MTF2: variants seen among roughly 807,000 people sequenced by gnomAD.
The protein encoded by MTF2 is metal response element binding transcription factor 2.
MTF2 carries 11 observed loss-of-function variants against 79.5 expected under a neutral mutation model. The ratio of observed to expected loss-of-function variants is 0.14; its 90% CI spans 0.09 to 0.23. The LOEUF is 0.23. Ranked by LOEUF, MTF2 falls within the 10% of genes least tolerant of loss-of-function variation. The pLI is 1.00. For missense variants in MTF2, 486 were observed against 711.2 expected, an observed-to-expected ratio of 0.68 and a Z score of 3.60; for synonymous variants, 208 against 232.8, an observed-to-expected ratio of 0.89 and a Z score of 0.97.
intron 6 of MTF2, among the ~76,000 whole-genome samples, chr1:93,117,793 G>A (rs531835805): frequency 6.7e-4 from 102 of 152,196 alleles, no homozygotes; most frequent in Non-Finnish European, 1.3e-3. Context: ...TTGGGAGGCC[G>A]AGGACAGAGG....
At chr1:93,084,957 C>T (rs187352070) in intron 1 of MTF2, among the ~76,000 whole-genome samples, 1 of 152,250 alleles carries the variant, frequency 6.6e-6, no homozygotes, top group Admixed American at 6.5e-5. Flanking sequence ...TAAAGCATCA[C>T]TTTCTCCTAT....
chr1:93,088,155 T>C (rs968501663), intron 1 of MTF2, among the ~76,000 whole-genome samples: 1 of 152,224 alleles, frequency 6.6e-6, no homozygotes, highest in Non-Finnish European at 1.5e-5. Flanking sequence ...TGCAGGATTA[T>C]AATGACAACG....
intron 6 of MTF2, among the ~76,000 whole-genome samples, chr1:93,116,341 C>T (rs1460337293): frequency 1.3e-5 from 2 of 151,410 alleles, no homozygotes; most frequent in African/African-American, 4.9e-5. Flanking sequence ...TTATTTTCTT[C>T]CAGAACTTTT....
At chr1:93,134,247 T>C in intron 14 of MTF2, 52 bp downstream of exon 14, 1 of 1,343,998 alleles carries the variant, frequency 7.4e-7, no homozygotes, top group East Asian at 2.4e-5. Context: ...TAGATTTCTT[T>C]TCTTTGTAAA....
rs868639197 is a variant in MTF2, at chr1:93,136,789, T to C, written c.1544T>C (p.Ile515Thr). 3 of 1,614,036 alleles carry C rather than the reference T, an allele frequency of 1.9e-6. No individual in the cohort carries two copies. Among genetic ancestry groups the C allele is most frequent in the Admixed American group, 3.3e-5 (2 of 60,018 alleles). ...GCACTCCAGACTCAGAACTCAGAAA[T>C]TGTAAAAGATGATGAAGGCAAAGAA... ...RRALQTQNSEIVKDDEGKEDY... is the reference protein window; with the variant it reads ...RRALQTQNSETVKDDEGKEDY... Residue 515 changes from isoleucine (I) to threonine (T), a missense_variant, in exon 15 of 15, where the codon ATT becomes ACT. By Grantham distance (89) the Ile-to-Thr change is moderately conservative (BLOSUM62 -1). Around this residue, in one of 4 missense-constraint regions of MTF2, gnomAD observed 209 missense variants for 206.5 expected, o/e 1.01. Coordinates refer to ENST00000370298, the MANE Select transcript of MTF2 (RefSeq NM_007358.4).
In MTF2 at chr1:93,080,092, C is replaced by T. The variant is rs1362387687; in HGVS notation, c.5+561C>T. Among the ~76,000 whole-genome samples the T allele has an allele frequency of 5.3e-5, 8 of 151,902 alleles. No homozygotes were observed. In the East Asian group the frequency reaches 1.5e-3, roughly 29 times the overall value. On this transcript the variant is annotated intron_variant, in intron 1 of 14. Coordinates refer to ENST00000370298, the MANE Select transcript of MTF2 (RefSeq NM_007358.4). ...CACACTGAAGTGGAGGTTGGAAGCA[C>T]AACCTGAAAGCTTAAAGGGAAGCGG...
In MTF2 at chr1:93,133,931, A is replaced by G; in HGVS notation, c.1270A>G (p.Lys424Glu). The G allele has an allele frequency of 6.4e-7, 1 of 1,573,188 alleles. No homozygotes were observed. The highest frequency in any genetic ancestry group is 8.7e-7 in the Non-Finnish European group (1 of 1,147,482). The change falls in exon 13 of 15, where the codon AAG becomes GAG. Residue 424 changes from lysine (K) to glutamate (E), a missense_variant. Coordinates refer to ENST00000370298, the MANE Select transcript of MTF2 (RefSeq NM_007358.4). ...IQKTAEPLLDKESISENPTLD... is the reference protein window; with the variant it reads ...IQKTAEPLLDEESISENPTLD... The stretch of plus-strand genomic sequence containing the variant: ...AGTATATATTTTTATTTTCCAGGAT[A>G]AGGAATCAATTTCAGAGAATCCTAC...
At chr1:93,129,709 CTGTT>C (rs751905549) in intron 11 of MTF2, among the ~76,000 whole-genome samples, 46 of 152,008 alleles carry the variant, frequency 3.0e-4, no homozygotes, top group Admixed American at 1.3e-4. Context: ...GAGTACTAGC[CTGTT>C]TGTTTGTTCA....
At chr1:93,085,697 A>G (rs1185086419) in intron 1 of MTF2, among the ~76,000 whole-genome samples, 2 of 151,918 alleles carry the variant, frequency 1.3e-5, no homozygotes, top group Admixed American at 6.6e-5. Context: ...TATGTTGCCC[A>G]TGCTATTCTT....
chr1:93,101,568 G>T (rs78776870), intron 1 of MTF2, among the ~76,000 whole-genome samples: 9 of 25,406 alleles, frequency 3.5e-4, no homozygotes, highest in African/African-American at 4.6e-4. Flanking sequence ...GCTCAGGCTG[G>T]TTTTTTTTTT....
chr1:93,110,528 AT>A lies in MTF2; in HGVS notation c.205-14del. On this transcript the variant is annotated splice_polypyrimidine_tract_variant and intron_variant, in intron 2 of 14. Transcript: ENST00000370298. ...TAATTTTAAGAGATCACCGTTAAGT[AT>A]TTCTCTGTATTGCAGATAAACATAT... 6.2e-7 allele frequency: 1 copy of A among 1,606,310 alleles called. No individual in the cohort carries two copies. Among genetic ancestry groups the A allele is most frequent in the Admixed American group, 1.7e-5 (1 of 59,680 alleles).
intron 9 of MTF2, among the ~76,000 whole-genome samples, chr1:93,123,216 T>C (rs1408269472): frequency 8.0e-5 from 12 of 149,872 alleles, no homozygotes; most frequent in Non-Finnish European, 1.6e-4. Flanking sequence ...CTTTCTTTTT[T>C]TTTTTTTTTT....
At chr1:93,120,509 AAAAC>A in intron 8 of MTF2, 36 bp from the exon 9 acceptor site, 1 of 1,523,210 alleles carries the variant, frequency 6.6e-7, no homozygotes, top group Non-Finnish European at 8.8e-7. Context: ...ACAGTAACCA[AAAAC>A]ATTGTTTTGT....
At chr1:93,099,832 G>GACA (rs1312996021) in intron 1 of MTF2, among the ~76,000 whole-genome samples, 2 of 152,146 alleles carry the variant, frequency 1.3e-5, no homozygotes, top group Non-Finnish European at 2.9e-5. Flanking sequence ...TTGACAGTTT[G>GACA]AAACAGGAGG....
At chr1:93,136,035 AT>A (rs1300428788) in intron 14 of MTF2, among the ~76,000 whole-genome samples, 3 of 152,172 alleles carry the variant, frequency 2.0e-5, no homozygotes, top group Non-Finnish European at 4.4e-5. Flanking sequence ...AAATAATTGA[AT>A]TTCTGTGCTG....
At chr1:93,116,703 A>G (rs997870936) in intron 6 of MTF2, among the ~76,000 whole-genome samples, 6 of 151,850 alleles carry the variant, frequency 4.0e-5, no homozygotes, top group Admixed American at 1.3e-4. Context: ...GAGTCTTGCT[A>G]TTTGTCCACG....
Position 93,079,304 on chromosome 1 carries a change from G to A in MTF2, c.-223G>A. On this transcript the variant is annotated 5_prime_UTR_variant, in exon 1 of 15. Coordinates refer to ENST00000370298, the MANE Select transcript of MTF2 (RefSeq NM_007358.4). ...CGGCAGTCCGCGGGAAACCAAAATG[G>A]CGAGGGGCTGTATTGAAGTGGGCTG... 1.8e-6 allele frequency: 1 copy of A among 550,854 alleles called. No homozygotes were observed. Among genetic ancestry groups the A allele is most frequent in the East Asian group, 3.0e-5 (1 of 33,022 alleles). The allele number at this position is 550,854 out of a possible 1,614,324, so 34.1% of individuals were successfully genotyped here. A position where few individuals can be genotyped will look rare whatever the true frequency, so the allele number is the denominator to read the frequency against.
intron 9 of MTF2, among the ~76,000 whole-genome samples, chr1:93,123,187 G>C (rs1656551404): frequency 7.2e-6 from 1 of 138,068 alleles, no homozygotes; most frequent in Non-Finnish European, 1.6e-5. Flanking sequence ...GAGTACTTTA[G>C]TCATTTTGAA....
intron 7 of MTF2, among the ~76,000 whole-genome samples, 186 bp downstream of exon 7, chr1:93,118,626 A>G (rs1211662555): frequency 6.6e-6 from 1 of 152,218 alleles, no homozygotes; most frequent in Admixed American, 6.5e-5. Flanking sequence ...TTTATTCCAG[A>G]ATGCTTTTAA....
Sources: gnomAD v4.1 joint callset for allele counts (sites outside exome capture counted in the v4.1 genomes callset) on GRCh38, gnomAD v4.1.1 for gene constraint, gnomAD v4.1.1 regional missense constraint, MANE v1.5 for transcripts, NCBI Gene and HGNC (gene_info 2026-07-23, HGNC 2026-07-21) for gene names.